Variants in SLU7 observed in about 807,000 individuals in gnomAD.
SLU7 encodes pre-mRNA-splicing factor SLU7.
A neutral mutation model predicts 87.0 loss-of-function variants in SLU7; 60 were observed. That is an observed-to-expected ratio of 0.69 (90% CI 0.56 to 0.86). The LOEUF (loss-of-function observed/expected upper bound fraction) is 0.86. Ranked by LOEUF, SLU7 falls within the 40% of genes least tolerant of loss-of-function variation. The pLI is 0.00. For missense variants in SLU7, 507 were observed against 686.6 expected (o/e 0.74, Z 2.92); for synonymous variants, 197 against 222.0 (o/e 0.89, Z 1.00).
chr5:160,405,643 C>T (rs190914425), intron 12 of SLU7, among the ~76,000 whole-genome samples: 48 of 152,166 alleles, frequency 3.2e-4, no homozygotes, highest in African/African-American at 9.7e-4. Flanking sequence ...ATGATGTTTA[C>T]AATGCAATAT....
rs772094418 is a variant in SLU7 at position 160,403,395 on chromosome 5, G to C, written c.1651C>G (p.Pro551Ala). The C allele has an allele frequency of 6.2e-7, 1 of 1,613,286 alleles. No individual in the cohort carries two copies. The highest frequency in any genetic ancestry group is 8.5e-7 in the Non-Finnish European group (1 of 1,179,658). Residue 551 changes from proline (P) to alanine (A), a missense_variant, in exon 16 of 16, where the codon CCT becomes GCT. Around this residue, in one of 6 missense-constraint regions of SLU7, gnomAD observed 201 missense variants for 213.4 expected, o/e 0.94. Transcript: ENST00000297151. ...ETMQIDERKR[P>A]YNSMYETREP... Reference sequence around the variant, plus strand: ...CGAGTTTCATACATGCTATTGTAAGGCCGCTTCCTCTCATCAATCTGCATG... The same window carrying C: ...CGAGTTTCATACATGCTATTGTAAGCCCGCTTCCTCTCATCAATCTGCATG...
chr5:160,406,395 A>G lies in SLU7; in HGVS notation c.1287+73T>C, dbSNP rs9313848. On this transcript the variant is annotated intron_variant, in intron 12 of 15. Transcript: ENST00000297151. ...TAGAGAATACAAATGGTTAGCTAAT[A>G]AAGTTGTAGTGGAAAAATGCAATAC... 5.8e-3 allele frequency: 6,563 copies of G among 1,123,508 alleles called. 290 individuals are homozygous for G. The African/African-American group carries it at 0.094, about 16-fold the overall frequency. The allele number at this position is 1,123,508 out of a possible 1,614,324, so 69.6% of individuals were successfully genotyped here.
Position 160,404,616 on chromosome 5 carries a change from C to T in SLU7, c.1465-60G>A, listed in dbSNP as rs777091960. 825 of 1,165,154 alleles carry T rather than the reference C, an allele frequency of 7.1e-4. 9 individuals are homozygous for T. The highest frequency in any genetic ancestry group is 1.2e-4 in the Non-Finnish European group (98 of 797,044). 72.2% of individuals were successfully genotyped at this position (1,165,154 alleles called of 1,614,324 possible). A position where few individuals can be genotyped will look rare whatever the true frequency, so the allele number is the denominator to read the frequency against. On this transcript the variant is annotated intron_variant, in intron 14 of 15. Transcript: ENST00000297151. ...GTGAAAACAAAGCTCAGGTGCACTA[C>T]TTGGGCGGCTGAGGCACAAGAATCA...
At chr5:160,405,280 GA>G (rs1433150230) in intron 12 of SLU7, 145 bp from the exon 13 acceptor site, 2 of 611,870 alleles carry the variant, frequency 3.3e-6, no homozygotes, top group Non-Finnish European at 5.8e-6. Flanking sequence ...CTAACAGGGA[GA>G]AGGTAGTCTG....
chr5:160,408,672 T>C lies in SLU7; in HGVS notation c.665A>G (p.Glu222Gly). ...QANSPKHQWGEEEPNSQMEKD... is the reference protein window; with the variant it reads ...QANSPKHQWGGEEPNSQMEKD... ...TACCATCTGAGAATTTGGTTCCTCT[T>C]CTCCCCACTGGTGTTTTGGAGAATT... The change falls in exon 7 of 16, where the codon GAA becomes GGA. Residue 222 changes from glutamate (E) to glycine (G), a missense_variant. By Grantham distance (98) the Glu-to-Gly change is moderately conservative (BLOSUM62 -2). Transcript: ENST00000297151. 6.4e-7 allele frequency: 1 copy of C among 1,574,124 alleles called. No homozygotes were observed. The highest frequency in any genetic ancestry group is 8.7e-7 in the Non-Finnish European group (1 of 1,152,524).
chr5:160,403,488 G>A, intron 15 of SLU7, 24 bp from the exon 16 acceptor site: 6 of 1,559,248 alleles, frequency 3.8e-6, no homozygotes, highest in Non-Finnish European at 4.3e-6. Flanking sequence ...AATAAAATGT[G>A]TATCACAGCT....
At chr5:160,405,364 T>C (rs778822387) in intron 12 of SLU7, among the ~76,000 whole-genome samples, 42 of 152,168 alleles carry the variant, frequency 2.8e-4, no homozygotes, top group Non-Finnish European at 3.1e-4. Context: ...TATTAAAAAA[T>C]TTAGGGTATC....
Position 160,405,024 on chromosome 5 carries a change from T to C in SLU7, c.1392+7A>G. 4 of 1,600,908 alleles carry C rather than the reference T, an allele frequency of 2.5e-6. No individual in the cohort carries two copies. Among genetic ancestry groups the C allele is most frequent in the Non-Finnish European group, 3.4e-6 (4 of 1,168,078 alleles). ...TATACCTTTAAGAACCAAAGACAATTACTTACAACAATCTCCTTCCCAGCT... is the reference window on the plus strand; with the variant it reads ...TATACCTTTAAGAACCAAAGACAATCACTTACAACAATCTCCTTCCCAGCT... On this transcript the variant is annotated splice_region_variant and intron_variant, in intron 13 of 15. Transcript: ENST00000297151.
At position 160,413,947 on chromosome 5, in the gene SLU7, T is replaced by C. The variant is rs1247728116; in HGVS notation, c.357A>G (p.Ala119=). 1 of 1,601,122 alleles carries C rather than the reference T, an allele frequency of 6.2e-7. No homozygotes were observed. Among genetic ancestry groups the C allele is most frequent in the Non-Finnish European group, 8.5e-7 (1 of 1,174,762 alleles). ...NSIITKYRKG[A]CENCGAMTHK... ...GTGTCATGGCCCCACAATTTTCACA[T>C]GCTCCTTTGCGGTACTTAGTAATTA... is the stretch of plus-strand genomic sequence containing the variant. Residue 119 remains alanine, a synonymous_variant, in exon 4 of 16, where the codon GCA becomes GCG. Transcript: ENST00000297151.
chr5:160,410,212 A>G (rs1459528828), intron 6 of SLU7, among the ~76,000 whole-genome samples: 1 of 152,210 alleles, frequency 6.6e-6, no homozygotes, highest in African/African-American at 2.4e-5. Flanking sequence ...TTCACAATTA[A>G]CACAGGGATA....
rs1283914051 is a variant in SLU7 at position 160,414,350 on chromosome 5, GA to G, written c.292del (p.Ser98LeufsTer9). Reference sequence around the variant, plus strand: ...TACACCCCTCTTGTACCATTCTCCAGATGAGCTGAACTGCTTTTGTTTTTCT... The same window carrying G: ...TACACCCCTCTTGTACCATTCTCCAGTGAGCTGAACTGCTTTTGTTTTTCT... The part of the protein sequence containing the change: ...QPEKQKQFSS[S>X]GEWYKRGVKE... On this transcript the variant is annotated frameshift_variant, in exon 3 of 16. Coordinates refer to ENST00000297151, the MANE Select transcript of SLU7 (RefSeq NM_006425.5). LOFTEE classifies it high-confidence loss of function. The G allele has an allele frequency of 6.2e-7, 1 of 1,611,204 alleles. No individual in the cohort carries two copies. Among genetic ancestry groups the G allele is most frequent in the African/African-American group, 1.3e-5 (1 of 74,686 alleles).
chr5:160,415,379 C>T lies in SLU7; in HGVS notation c.-16-69G>A, dbSNP rs149884414. On this transcript the variant is annotated intron_variant, in intron 1 of 15. Coordinates refer to ENST00000297151, the MANE Select transcript of SLU7 (RefSeq NM_006425.5). ...GAATTCACTCAAACTACCAAAAATA[C>T]ATCCTAATAATATATACTGTTTCAT... 2,260 of 1,158,944 alleles carry T rather than the reference C, an allele frequency of 2.0e-3. 58 individuals carry two copies. In the South Asian group the frequency reaches 0.036, roughly 19 times the overall value. The allele number at this position is 1,158,944 out of a possible 1,614,324, so 71.8% of individuals were successfully genotyped here. A position where few individuals can be genotyped will look rare whatever the true frequency, so the allele number is the denominator to read the frequency against.
At position 160,407,472 on chromosome 5, in the gene SLU7, T is replaced by C; in HGVS notation, c.1125+4A>G. The C allele has an allele frequency of 6.2e-7, 1 of 1,602,528 alleles. No individual in the cohort carries two copies. The highest frequency in any genetic ancestry group is 8.5e-7 in the Non-Finnish European group (1 of 1,176,626). On this transcript the variant is annotated splice_donor_region_variant and intron_variant, in intron 11 of 15. Transcript: ENST00000297151. This position sits in a 1 kb window ranked among gnomAD's most constrained non-coding sequence, Gnocchi z 4.2. ...TTCTTCTTTAGCATTTTGGTCAAAATTACCTTTTCCAGGATGCTTTCTTTC... is the reference window on the plus strand; with the variant it reads ...TTCTTCTTTAGCATTTTGGTCAAAACTACCTTTTCCAGGATGCTTTCTTTC...
At chr5:160,409,354 A>C (rs1468049985) in intron 6 of SLU7, among the ~76,000 whole-genome samples, 2 of 80,990 alleles carry the variant, frequency 2.5e-5, no homozygotes, top group African/African-American at 7.0e-5. Context: ...CAGAATGCCT[A>C]CACTAACGTG....
At chr5:160,412,010 G>A (rs1765258187) in intron 6 of SLU7, among the ~76,000 whole-genome samples, 1 of 152,126 alleles carries the variant, frequency 6.6e-6, no homozygotes, top group African/African-American at 2.4e-5. Context: ...GTGTTAACCA[G>A]TGTTGTTAAT....
chr5:160,409,464 G>A (rs1318477728), intron 6 of SLU7, among the ~76,000 whole-genome samples: 4 of 152,114 alleles, frequency 2.6e-5, no homozygotes, highest in African/African-American at 4.8e-5. Context: ...AGAAACACGT[G>A]TATGTATATA....
Position 160,404,849 on chromosome 5 carries a change from G to A in SLU7, c.1424C>T (p.Thr475Ile). 1.2e-6 allele frequency: 2 copies of A among 1,610,742 alleles called. No homozygotes were observed. Among genetic ancestry groups the A allele is most frequent in the Non-Finnish European group, 1.7e-6 (2 of 1,177,004 alleles). ...NSEECIINEITGEESVKKPQT... is the reference protein window; with the variant it reads ...NSEECIINEIIGEESVKKPQT... ...AGGTTTTTTCACAGATTCTTCCCCA[G>A]TTATCTCATTTATAATACACTCCTC... The change falls in exon 14 of 16, where the codon ACT becomes ATT. Residue 475 changes from threonine (T) to isoleucine (I), a missense_variant. Coordinates refer to ENST00000297151, the MANE Select transcript of SLU7 (RefSeq NM_006425.5).
chr5:160,414,514 T>C, intron 2 of SLU7, 42 bp from the exon 3 acceptor site: 12 of 1,342,562 alleles, frequency 8.9e-6, no homozygotes, highest in Non-Finnish European at 1.2e-5. Context: ...AGGATAAAAT[T>C]GGAAAATAAT....
rs1305457432 is a variant in SLU7 at position 160,417,579 on chromosome 5, G to T, written c.-17+1444C>A. On this transcript the variant is annotated intron_variant, in intron 1 of 15. Coordinates refer to ENST00000297151, the MANE Select transcript of SLU7 (RefSeq NM_006425.5). ...GAGGCGGGCGGATCACCTGAGGTAA[G>T]GAGTTTGAGACCAGCCTGGCCAACC... Among the ~76,000 whole-genome samples the T allele has an allele frequency of 2.6e-5, 4 of 152,264 alleles. No individual in the cohort carries two copies. The East Asian group carries it at 7.7e-4, about 29-fold the overall frequency.
Sources: allele counts gnomAD v4.1 joint callset (sites outside exome capture counted in the v4.1 genomes callset), GRCh38; gene constraint gnomAD v4.1.1; regional missense constraint gnomAD v4.1.1; non-coding constraint Gnocchi (gnomAD v3.1); transcripts MANE v1.5; gene names NCBI Gene and HGNC (gene_info 2026-07-23, HGNC 2026-07-21).